The following ZNF131 variants were observed in gnomAD, a reference collection of about 807,000 sequenced individuals.
ZNF131 encodes the protein zinc finger protein 131.
In ZNF131, 7 loss-of-function variants were observed where a neutral mutation model predicts 60.0. The ratio of observed to expected loss-of-function variants is 0.12; its 90% CI spans 0.07 to 0.22. ZNF131 has a LOEUF of 0.22. Ranked by LOEUF, ZNF131 falls within the 10% of genes least tolerant of loss-of-function variation. ZNF131 has a pLI of 1.00. For missense variants in ZNF131, 493 were observed against 740.9 expected (o/e 0.67, Z 3.88); for synonymous variants, 257 against 253.2 (o/e 1.01, Z -0.14).
In ZNF131 at chr5:43,175,196, T is replaced by C; in HGVS notation, c.*63T>C. 1 of 1,444,480 alleles carries C rather than the reference T, an allele frequency of 6.9e-7. No homozygotes were observed. The highest frequency in any genetic ancestry group is 2.5e-5 in the East Asian group (1 of 40,604). 89.5% of individuals were successfully genotyped at this position (1,444,480 alleles called of 1,614,324 possible). A position where few individuals can be genotyped will look rare whatever the true frequency, so the allele number is the denominator to read the frequency against. On this transcript the variant is annotated 3_prime_UTR_variant, in exon 7 of 7. Transcript: ENST00000682664. Reference sequence around the variant, plus strand: ...GTTTTTGAACTGATTATGGGCAGTTTGACTGTCCTTAATTAAGCCTAACAG... The same window carrying C: ...GTTTTTGAACTGATTATGGGCAGTTCGACTGTCCTTAATTAAGCCTAACAG...
At chr5:43,167,602 G>A (rs1035971351) in intron 5 of ZNF131, among the ~76,000 whole-genome samples, 1 of 152,054 alleles carries the variant, frequency 6.6e-6, no homozygotes, top group South Asian at 2.1e-4. Context: ...GGCTTGATTT[G>A]TAAAATTTTA....
At chr5:43,134,734 C>G (rs1295094004) in intron 3 of ZNF131, among the ~76,000 whole-genome samples, 1 of 109,644 alleles carries the variant, frequency 9.1e-6, no homozygotes, top group Non-Finnish European at 1.7e-5. Context: ...GAGTTTCACT[C>G]TTGTTGCCCG....
chr5:43,174,253 C>T (rs1751333923), intron 6 of ZNF131, among the ~76,000 whole-genome samples, 194 bp from the exon 7 acceptor site: 1 of 152,172 alleles, frequency 6.6e-6, no homozygotes, highest in African/African-American at 2.4e-5. Flanking sequence ...ATTTAGGTTA[C>T]TAGCTGTGTC....
chr5:43,161,212 T>G, intron 4 of ZNF131, 37 bp from the exon 5 acceptor site: 1 of 1,527,548 alleles, frequency 6.5e-7, no homozygotes, highest in Non-Finnish European at 8.8e-7. Context: ...TAGGATCTTC[T>G]TATAGATTTT....
Position 43,174,464 on chromosome 5 carries a change from T to TA in ZNF131, c.1205dup (p.Asn402LysfsTer17). On this transcript the variant is annotated frameshift_variant, in exon 7 of 7. Coordinates refer to ENST00000682664, the MANE Select transcript of ZNF131 (RefSeq NM_001330707.2). LOFTEE classifies it high-confidence loss of function. ...TATTTCAGGTCTGCAACAGTGTGTT[T>TA]AACAGCTGGGACCAGTTCAAAGATC... 1 of 1,528,678 alleles carries TA rather than the reference T, an allele frequency of 6.5e-7. No homozygotes were observed. The highest frequency in any genetic ancestry group is 8.8e-7 in the Non-Finnish European group (1 of 1,139,726). The allele number at this position is 1,528,678 out of a possible 1,614,324, so 94.7% of individuals were successfully genotyped here. A position where few individuals can be genotyped will look rare whatever the true frequency, so the allele number is the denominator to read the frequency against.
chr5:43,152,311 C>A (rs1748421332), intron 4 of ZNF131, among the ~76,000 whole-genome samples: 1 of 151,912 alleles, frequency 6.6e-6, no homozygotes, highest in Admixed American at 6.6e-5. Flanking sequence ...CCGAGTCTGT[C>A]CTATTTATCA....
In ZNF131 at chr5:43,130,851, C is replaced by T. The variant is rs75585788; in HGVS notation, c.226+7541C>T. Among the ~76,000 whole-genome samples, 24 of 151,814 alleles carry T rather than the reference C, an allele frequency of 1.6e-4. No individual in the cohort carries two copies. The East Asian group carries it at 4.5e-3, about 28-fold the overall frequency. On this transcript the variant is annotated intron_variant, in intron 3 of 6. Transcript: ENST00000682664. ...AGAGTGCTGGGATTACAGGCATGAGCCACCACGCCCGGCTCTTTTGTTTGT... is the reference window on the plus strand; with the variant it reads ...AGAGTGCTGGGATTACAGGCATGAGTCACCACGCCCGGCTCTTTTGTTTGT...
chr5:43,124,448 A>G (rs1374953016), intron 3 of ZNF131: 1 of 152,228 alleles, frequency 6.6e-6, no homozygotes, highest in African/African-American at 2.4e-5. Context: ...GGGAGTAAAG[A>G]AAACAAAAAA....
intron 4 of ZNF131, among the ~76,000 whole-genome samples, chr5:43,141,506 A>G (rs962177425): frequency 6.6e-6 from 1 of 152,120 alleles, no homozygotes; most frequent in Non-Finnish European, 1.5e-5. Flanking sequence ...AGTGGCTGAT[A>G]CTTGTAATCC....
intron 4 of ZNF131, among the ~76,000 whole-genome samples, chr5:43,157,381 A>C (rs1202530385): frequency 6.6e-6 from 1 of 152,146 alleles, no homozygotes; most frequent in Non-Finnish European, 1.5e-5. Flanking sequence ...TTTTACATTC[A>C]TTGTAGGTGC....
intron 3 of ZNF131, among the ~76,000 whole-genome samples, chr5:43,138,292 G>A (rs941407153): frequency 6.6e-6 from 1 of 152,192 alleles, no homozygotes; most frequent in Admixed American, 6.5e-5. Context: ...GGACCTTTAA[G>A]GGGTGGGTGG....
Position 43,175,271 on chromosome 5 carries a change from G to A in ZNF131, c.*138G>A, listed in dbSNP as rs564845581. The stretch of plus-strand genomic sequence containing the variant: ...TTCCTGTTGTGCTGAACTGTTGTCC[G>A]TTGAAACACATTGATTCCCCTCCCC... On this transcript the variant is annotated 3_prime_UTR_variant, in exon 7 of 7. Coordinates refer to ENST00000682664, the MANE Select transcript of ZNF131 (RefSeq NM_001330707.2). 3.2e-5 allele frequency: 28 copies of A among 864,900 alleles called. No individual in the cohort carries two copies. In the African/African-American group the frequency reaches 4.1e-4, roughly 13 times the overall value. The allele number at this position is 864,900 out of a possible 1,614,324, so 53.6% of individuals were successfully genotyped here.
intron 3 of ZNF131, among the ~76,000 whole-genome samples, chr5:43,137,856 TGTA>T (rs1746324948): frequency 6.6e-6 from 1 of 152,066 alleles, no homozygotes; most frequent in African/African-American, 2.4e-5. Flanking sequence ...ATAAAGAAAA[TGTA>T]GTATATGTAT....
At chr5:43,142,100 G>A (rs1265273566) in intron 4 of ZNF131, among the ~76,000 whole-genome samples, 1 of 151,746 alleles carries the variant, frequency 6.6e-6, no homozygotes, top group African/African-American at 2.4e-5. Flanking sequence ...CCAGCACTTT[G>A]GAAGGCCGAG....
intron 5 of ZNF131, among the ~76,000 whole-genome samples, chr5:43,166,497 A>C (rs983231776): frequency 8.1e-5 from 12 of 148,674 alleles, no homozygotes; most frequent in Non-Finnish European, 1.6e-4. Context: ...AATAGCTGGG[A>C]CTACAGGTGC....
chr5:43,166,947 C>T (rs10072230), intron 5 of ZNF131, among the ~76,000 whole-genome samples: 8,044 of 152,302 alleles, frequency 0.053, 319 homozygotes, highest in South Asian at 0.13. Context: ...CATGAGCCAC[C>T]GCATCCGGGT....
chr5:43,125,352 G>GTGCAA (rs977943436), intron 3 of ZNF131, among the ~76,000 whole-genome samples: 7 of 151,656 alleles, frequency 4.6e-5, no homozygotes, highest in African/African-American at 1.7e-4. Flanking sequence ...CCAGGCTGGA[G>GTGCAA]TGCAATGGCG....
intron 4 of ZNF131, among the ~76,000 whole-genome samples, chr5:43,145,870 C>A (rs1747513979): frequency 6.6e-6 from 1 of 152,108 alleles, no homozygotes; most frequent in Non-Finnish European, 1.5e-5. Context: ...GTTACCGATA[C>A]CAGACAAGTT....
chr5:43,175,596 C>CT lies in ZNF131; in HGVS notation c.*464dup, dbSNP rs1751491266. On this transcript the variant is annotated 3_prime_UTR_variant, in exon 7 of 7. Transcript: ENST00000682664. ...CTGCATGATGAAAAGTGCATTGTTA[C>CT]TGTGCAGTTAAATTTTGGCTTCTGG... 2 of 582,332 alleles carry CT rather than the reference C, an allele frequency of 3.4e-6. No individual in the cohort carries two copies. Among genetic ancestry groups the CT allele is most frequent in the Non-Finnish European group, 3.0e-6 (1 of 332,122 alleles). The allele number at this position is 582,332 out of a possible 1,614,324, so 36.1% of individuals were successfully genotyped here.
Sources: allele counts gnomAD v4.1 joint callset (sites outside exome capture counted in the v4.1 genomes callset), GRCh38; gene constraint gnomAD v4.1.1; transcripts MANE v1.5; gene names NCBI Gene and HGNC (gene_info 2026-07-23, HGNC 2026-07-21).